Variants in SH3D19 observed in about 807,000 individuals in gnomAD.
SH3D19 encodes the protein SH3 domain-containing protein 19.
In SH3D19, 58 loss-of-function variants were observed where a neutral mutation model predicts 112.1. That is an observed-to-expected ratio of 0.52 (90% CI 0.42 to 0.64). The LOEUF is 0.64. SH3D19 is among the 30% of genes least tolerant of loss of function. The pLI, the probability that SH3D19 is intolerant of heterozygous loss-of-function variation, is 0.00. For synonymous variants in SH3D19, 391 were observed against 448.5 expected (o/e 0.87, Z 1.62); for missense variants, 1,090 against 1,263.4 (o/e 0.86, Z 2.08).
intron 7 of SH3D19, chr4:151,170,492 G>A (rs898812368): frequency 1.3e-5 from 2 of 151,952 alleles, no homozygotes; most frequent in Non-Finnish European, 2.9e-5. Context: ...CAATTTAAAA[G>A]GAAATAATGC....
chr4:151,170,452 T>C (rs1758849545), intron 7 of SH3D19: 1 of 152,032 alleles, frequency 6.6e-6, no homozygotes, highest in African/African-American at 2.4e-5. Context: ...ATAAAGTAAC[T>C]AGAAAAATAA....
At chr4:151,297,349 GGCACTTTGT>G (rs990970649) in intron 1 of SH3D19, among the ~76,000 whole-genome samples, 4 of 152,168 alleles carry the variant, frequency 2.6e-5, no homozygotes, top group Admixed American at 6.5e-5. Flanking sequence ...CTAGTCCTGT[GGCACTTTGT>G]GTGCCATTCT....
chr4:151,302,281 A>G (rs1728500003), intron 1 of SH3D19, among the ~76,000 whole-genome samples: 1 of 152,216 alleles, frequency 6.6e-6, no homozygotes, highest in Non-Finnish European at 1.5e-5. Flanking sequence ...TCACCAGTTG[A>G]ATATAACTGT....
At chr4:151,160,495 C>A (rs770394704) in intron 8 of SH3D19, among the ~76,000 whole-genome samples, 1 of 152,140 alleles carries the variant, frequency 6.6e-6, no homozygotes, top group African/African-American at 2.4e-5. Flanking sequence ...TAATGTAGCC[C>A]CAACTTATTT....
At chr4:151,321,202 T>G (rs1023869454) in intron 1 of SH3D19, among the ~76,000 whole-genome samples, 17 of 152,136 alleles carry the variant, frequency 1.1e-4, no homozygotes, top group African/African-American at 4.1e-4. Context: ...CTATCCTTCC[T>G]CTAGGGTGAC....
chr4:151,150,874 C>T (rs576660135), intron 9 of SH3D19, among the ~76,000 whole-genome samples: 32 of 151,430 alleles, frequency 2.1e-4, no homozygotes, highest in Non-Finnish European at 2.6e-4. Context: ...AGAATATTTT[C>T]AGATCTTCTG....
chr4:151,121,061 AAC>A lies in SH3D19; in HGVS notation c.*1028_*1029del, dbSNP rs1297523800. ...CAGGGATAAGCTAGAGAAAAAATAA[AAC>A]AAAAAAGTACCAGTCTTCTGTCCTC... On this transcript the variant is annotated 3_prime_UTR_variant, in exon 20 of 20. Coordinates refer to ENST00000604030, the MANE Select transcript of SH3D19 (RefSeq NM_001378122.1). 1.3e-5 allele frequency: 2 copies of A among 152,640 alleles called. No individual in the cohort carries two copies. The highest frequency in any genetic ancestry group is 6.5e-5 in the Admixed American group (1 of 15,280). The allele number at this position is 152,640 out of a possible 1,614,324, so 9.5% of individuals were successfully genotyped here.
At chr4:151,177,399 G>A (rs1034086453) in intron 4 of SH3D19, among the ~76,000 whole-genome samples, 1 of 152,134 alleles carries the variant, frequency 6.6e-6, no homozygotes, top group Non-Finnish European at 1.5e-5. Context: ...GAGTGCAGTG[G>A]TGACGCGATC....
At chr4:151,177,058 T>C in intron 4 of SH3D19, 103 bp from the exon 5 acceptor site, 1 of 1,014,120 alleles carries the variant, frequency 9.9e-7, no homozygotes. Flanking sequence ...ACCAAAAAAG[T>C]TGTAAGAACT....
chr4:151,222,345 A>G (rs1039898128), intron 2 of SH3D19, among the ~76,000 whole-genome samples: 5 of 152,196 alleles, frequency 3.3e-5, no homozygotes, highest in Non-Finnish European at 5.9e-5. Context: ...CCAATTATTA[A>G]CAGTTTCCAA....
chr4:151,199,921 G>T (rs1230631223), intron 2 of SH3D19, among the ~76,000 whole-genome samples: 1 of 152,068 alleles, frequency 6.6e-6, no homozygotes, highest in Non-Finnish European at 1.5e-5. Context: ...CAAGGTTTTG[G>T]TACCAGGAGA....
chr4:151,171,438 A>G (rs1467389760), intron 7 of SH3D19, among the ~76,000 whole-genome samples: 1 of 152,216 alleles, frequency 6.6e-6, no homozygotes, highest in Non-Finnish European at 1.5e-5. Flanking sequence ...ATCTAAGACA[A>G]GAAAATGGCA....
At chr4:151,146,975 G>A (rs1023717365) in intron 11 of SH3D19, among the ~76,000 whole-genome samples, 9 of 152,094 alleles carry the variant, frequency 5.9e-5, no homozygotes, top group African/African-American at 2.2e-4. Flanking sequence ...ATAATTATTG[G>A]GCTTACAAAA....
At chr4:151,184,809 C>T (rs1247066858) in intron 3 of SH3D19, among the ~76,000 whole-genome samples, 3 of 152,130 alleles carry the variant, frequency 2.0e-5, no homozygotes, top group Non-Finnish European at 2.9e-5. Flanking sequence ...CTACCCTAGC[C>T]GCCCCAACTT....
At chr4:151,243,175 TTA>T (rs1464489457) in intron 1 of SH3D19, among the ~76,000 whole-genome samples, 1 of 152,204 alleles carries the variant, frequency 6.6e-6, no homozygotes, top group Non-Finnish European at 1.5e-5. Flanking sequence ...TCCTCAGTCT[TTA>T]TGATGCTAAT....
chr4:151,290,202 C>T (rs1775191029), intron 1 of SH3D19, among the ~76,000 whole-genome samples: 1 of 152,152 alleles, frequency 6.6e-6, no homozygotes, highest in Admixed American at 6.5e-5. Context: ...GCCTTGGCCT[C>T]TCAAGGCACT....
intron 12 of SH3D19, among the ~76,000 whole-genome samples, chr4:151,142,987 G>A (rs1469117266): frequency 6.6e-6 from 1 of 152,146 alleles, no homozygotes; most frequent in Non-Finnish European, 1.5e-5. Flanking sequence ...CCTGTAATCT[G>A]AACACTTTGG....
At chr4:151,243,437 G>C (rs1476227925) in intron 1 of SH3D19, among the ~76,000 whole-genome samples, 1 of 152,192 alleles carries the variant, frequency 6.6e-6, no homozygotes. Context: ...ATAAGTTGTT[G>C]GCATGGGCCC....
intron 1 of SH3D19, chr4:151,261,378 T>C (rs1393238044): frequency 6.6e-6 from 1 of 152,204 alleles, no homozygotes; most frequent in Non-Finnish European, 1.5e-5. Flanking sequence ...CCACCCTGAT[T>C]TCCAAGCAAA....
Sources: allele counts gnomAD v4.1 joint callset (sites outside exome capture counted in the v4.1 genomes callset), GRCh38; gene constraint gnomAD v4.1.1; transcripts MANE v1.5; gene names NCBI Gene and HGNC (gene_info 2026-07-23, HGNC 2026-07-21).